ZNF382: variants seen among roughly 807,000 people sequenced by gnomAD.
ZNF382 encodes KRAB/zinc finger suppressor protein 1.
Under a neutral mutation model 38.8 loss-of-function variants are expected in ZNF382, and 20 were observed. That is an observed-to-expected ratio of 0.51 (90% confidence interval 0.36 to 0.75). The LOEUF is 0.75. Ranked by LOEUF, ZNF382 falls within the 30% of genes least tolerant of loss-of-function variation. The pLI is 0.00. For missense variants in ZNF382, 546 were observed against 654.1 expected (o/e 0.83, Z 1.80); for synonymous variants, 202 against 223.1 (o/e 0.91, Z 0.84).
intron 3 of ZNF382, 107 bp from the exon 4 acceptor site, chr19:36,610,543 A>T: frequency 2.7e-6 from 2 of 737,940 alleles, no homozygotes; most frequent in Non-Finnish European, 4.5e-6. Context: ...CTTTGGTAAG[A>T]CATTAATGTA....
intron 4 of ZNF382, 77 bp downstream of exon 4, chr19:36,610,819 TTTGTTATTGTGGTAAA>T (rs2037071531): frequency 5.4e-6 from 6 of 1,118,832 alleles, no homozygotes; most frequent in Non-Finnish European, 6.5e-6. Context: ...GGGATCTATT[TTTGTTATTGTGGTAAA>T]ATACACATAA....
At chr19:36,614,914 CTTCCCT>C (rs1555793085) in intron 4 of ZNF382, among the ~76,000 whole-genome samples, 2,798 of 90,650 alleles carry the variant, frequency 0.031, 98 homozygotes, top group African/African-American at 0.063. Context: ...CTTTCCTTTC[CTTCCCT>C]TTCCCTTTCC....
At chr19:36,620,245 T>G (rs1390544834) in intron 4 of ZNF382, among the ~76,000 whole-genome samples, 1 of 152,176 alleles carries the variant, frequency 6.6e-6, no homozygotes, top group Non-Finnish European at 1.5e-5. Context: ...AGATCACAAT[T>G]TCTTTCCAGT....
At chr19:36,625,866 T>A (rs774487931) in intron 4 of ZNF382, among the ~76,000 whole-genome samples, 3 of 152,184 alleles carry the variant, frequency 2.0e-5, no homozygotes, top group Non-Finnish European at 4.4e-5. Context: ...GCCATCCTTG[T>A]GTTTCCTATA....
rs761091621 is a variant in ZNF382 at position 36,627,274 on chromosome 19, G to A, written c.1377G>A (p.Thr459=). ...TCACTCTCCACCAGAGAATTCACAC[G>A]GGGGAAAAACCCTATATTTGTAATG... is the stretch of plus-strand genomic sequence containing the variant. ...TTLTLHQRIH[T]GEKPYICNEC... The change falls in exon 5 of 5, where the codon ACG becomes ACA. Residue 459 remains threonine (T), a synonymous_variant. Transcript: ENST00000292928. The A allele has an allele frequency of 7.5e-6, 12 of 1,598,556 alleles. No homozygotes were observed. The Middle Eastern group carries it at 6.7e-4, about 89-fold the overall frequency.
chr19:36,620,194 G>A (rs189282339), intron 4 of ZNF382, among the ~76,000 whole-genome samples: 142 of 152,148 alleles, frequency 9.3e-4, no homozygotes, highest in African/African-American at 3.3e-3. Context: ...CTACCACCAG[G>A]TTCCAAAATC....
intron 4 of ZNF382, among the ~76,000 whole-genome samples, chr19:36,615,494 A>G (rs188524296): frequency 6.6e-6 from 1 of 152,296 alleles, no homozygotes; most frequent in East Asian, 1.9e-4. Context: ...AACAGATCCA[A>G]AGAGCTTATC....
At chr19:36,616,465 G>A (rs1050168923) in intron 4 of ZNF382, among the ~76,000 whole-genome samples, 2 of 152,194 alleles carry the variant, frequency 1.3e-5, no homozygotes, top group African/African-American at 4.8e-5. Context: ...TAGGCGGACA[G>A]ACCCAAACAG....
intron 4 of ZNF382, among the ~76,000 whole-genome samples, chr19:36,624,748 A>G (rs895070063): frequency 5.3e-5 from 8 of 152,144 alleles, no homozygotes; most frequent in Non-Finnish European, 1.2e-4. Context: ...CATCTCTGGC[A>G]GAATAAATTG....
chr19:36,627,180 G>T lies in ZNF382; in HGVS notation c.1283G>T (p.Arg428Ile). ...AAGACAACCCTCACTGTTCATCAGA[G>T]AACTCACACAGGAGAGAAACCCTAT... ...IQKTTLTVHQRTHTGEKPYIC... is the reference protein window; with the variant it reads ...IQKTTLTVHQITHTGEKPYIC... The change falls in exon 5 of 5, where the codon AGA (arginine) becomes ATA (isoleucine). Residue 428 changes from arginine to isoleucine, a missense_variant. Transcript: ENST00000292928. The T allele has an allele frequency of 6.2e-7, 1 of 1,614,066 alleles. No individual in the cohort carries two copies. The highest frequency in any genetic ancestry group is 8.5e-7 in the Non-Finnish European group (1 of 1,180,000).
intron 4 of ZNF382, among the ~76,000 whole-genome samples, chr19:36,621,732 A>G (rs1268366805): frequency 6.6e-6 from 1 of 152,060 alleles, no homozygotes; most frequent in Non-Finnish European, 1.5e-5. Flanking sequence ...TGTGTAGGTC[A>G]TATGCAAATA....
At chr19:36,608,709 C>T (rs2037053903) in intron 2 of ZNF382, 1 of 152,266 alleles carries the variant, frequency 6.6e-6, no homozygotes, top group East Asian at 1.9e-4. Flanking sequence ...ATTCAACCTC[C>T]AGTAGCTATC....
At position 36,607,612 on chromosome 19, in the gene ZNF382, C is replaced by T; in HGVS notation, c.-24C>T. On this transcript the variant is annotated 5_prime_UTR_variant, in exon 2 of 5. Transcript: ENST00000292928. ...GAAAGTTCATCTAGAAATCTCAAAG[C>T]CATGTCTCAGGTGAGATGATGTTTC... is the stretch of plus-strand genomic sequence containing the variant. The T allele has an allele frequency of 6.5e-7, 1 of 1,530,982 alleles. No homozygotes were observed. Among genetic ancestry groups the T allele is most frequent in the Non-Finnish European group, 8.7e-7 (1 of 1,145,304 alleles). The allele number at this position is 1,530,982 out of a possible 1,614,324, so 94.8% of individuals were successfully genotyped here.
intron 4 of ZNF382, among the ~76,000 whole-genome samples, chr19:36,614,920 T>TTCCC (rs1555793088): frequency 2.0e-3 from 115 of 57,500 alleles, no homozygotes; most frequent in African/African-American, 2.7e-3. Flanking sequence ...TTTCCTTCCC[T>TTCCC]TTCCCTTTCC....
chr19:36,611,253 G>T (rs2037075437), intron 4 of ZNF382, among the ~76,000 whole-genome samples: 2 of 151,928 alleles, frequency 1.3e-5, no homozygotes, highest in Non-Finnish European at 1.5e-5. Context: ...TCACACCACT[G>T]CACTCCAGCC....
At chr19:36,620,495 A>T (rs1202643723) in intron 4 of ZNF382, among the ~76,000 whole-genome samples, 2 of 152,156 alleles carry the variant, frequency 1.3e-5, no homozygotes, top group African/African-American at 4.8e-5. Context: ...TCCTTAAAGC[A>T]TTTTATTCAC....
chr19:36,619,366 G>A (rs1381081157), intron 4 of ZNF382, among the ~76,000 whole-genome samples: 1 of 152,210 alleles, frequency 6.6e-6, no homozygotes, highest in Non-Finnish European at 1.5e-5. Context: ...AAAGGGTGGT[G>A]CAGGAGGGCA....
At chr19:36,616,545 C>T (rs1297087050) in intron 4 of ZNF382, among the ~76,000 whole-genome samples, 1 of 152,168 alleles carries the variant, frequency 6.6e-6, no homozygotes, top group Non-Finnish European at 1.5e-5. Context: ...CTCATCTTTG[C>T]TCCACTTTAT....
At chr19:36,623,040 A>G (rs141234089) in intron 4 of ZNF382, among the ~76,000 whole-genome samples, 1 of 152,248 alleles carries the variant, frequency 6.6e-6, no homozygotes, top group African/African-American at 2.4e-5. Flanking sequence ...ATTGTTTTAT[A>G]TGACATTTCT....
Sources: allele counts gnomAD v4.1 joint callset (sites outside exome capture counted in the v4.1 genomes callset), GRCh38; gene constraint gnomAD v4.1.1; transcripts MANE v1.5; gene names NCBI Gene and HGNC (gene_info 2026-07-23, HGNC 2026-07-21).